The following MCPH1 variants were observed in gnomAD, a reference collection of about 807,000 sequenced individuals.
MCPH1 encodes microcephalin 1.
MCPH1 carries 104 observed loss-of-function variants against 84.5 expected under a neutral mutation model. The observed-to-expected ratio is 1.23, with a 90% CI of 1.05 to 1.45. The LOEUF (loss-of-function observed/expected upper bound fraction) is 1.45, where lower values mean the gene tolerates loss of function less well. Among genes scored for constraint, MCPH1 ranks in the 40% most tolerant of loss-of-function variants. MCPH1 has a pLI of 0.00. For missense variants in MCPH1, 1,498 were observed against 1,005.7 expected (o/e 1.49, Z -6.62); for synonymous variants, 514 against 366.8 (o/e 1.40, Z -4.58).
At position 6,509,794 on chromosome 8, in the gene MCPH1, T is replaced by C. The variant is rs1022728898; in HGVS notation, c.2214+9865T>C. On this transcript the variant is annotated intron_variant, in intron 12 of 13. Coordinates refer to ENST00000344683, the MANE Select transcript of MCPH1 (RefSeq NM_024596.5). ...TAGCTTAGCTCTAGCCTTCCTTAAA[T>C]GTGCTCGGAACACTCACATTAGCCC... Among the ~76,000 whole-genome samples, 70 of 152,314 alleles carry C rather than the reference T, an allele frequency of 4.6e-4. No individual in the cohort carries two copies. In the Middle Eastern group the frequency reaches 0.01, roughly 22 times the overall value.
chr8:6,490,801 A>G (rs1810476236), intron 11 of MCPH1, among the ~76,000 whole-genome samples: 1 of 152,138 alleles, frequency 6.6e-6, no homozygotes, highest in Non-Finnish European at 1.5e-5. Context: ...TGTCAGCTAG[A>G]GTAACAGCTT....
rs541000377 is a variant in MCPH1, at chr8:6,621,379, A to G, written c.2215-75A>G. 60 of 1,565,970 alleles carry G rather than the reference A, an allele frequency of 3.8e-5. No homozygotes were observed. In the African/African-American group the frequency reaches 7.8e-4, roughly 20 times the overall value. On this transcript the variant is annotated intron_variant, in intron 12 of 13. Coordinates refer to ENST00000344683, the MANE Select transcript of MCPH1 (RefSeq NM_024596.5). ...ATTCTTTTCATAAAAAAGGAAGTAAACTGCAACAGTTCGCCTACGCTATGG... is the reference window on the plus strand; with the variant it reads ...ATTCTTTTCATAAAAAAGGAAGTAAGCTGCAACAGTTCGCCTACGCTATGG...
chr8:6,635,510 G>C (rs1797482046), intron 13 of MCPH1: 1 of 152,180 alleles, frequency 6.6e-6, no homozygotes, highest in African/African-American at 2.4e-5. Context: ...TAAGAGTCTT[G>C]CCTGAGCCCA....
At chr8:6,498,081 G>A (rs762550152) in intron 11 of MCPH1, among the ~76,000 whole-genome samples, 7 of 152,194 alleles carry the variant, frequency 4.6e-5, no homozygotes, top group Non-Finnish European at 7.3e-5. Flanking sequence ...CACAGATGCA[G>A]TTCCTATTTA....
At chr8:6,474,786 G>A (rs1200781789) in intron 9 of MCPH1, among the ~76,000 whole-genome samples, 1 of 152,016 alleles carries the variant, frequency 6.6e-6, no homozygotes, top group African/African-American at 2.4e-5. Flanking sequence ...GATTGCCGAG[G>A]GCAGGTATTT....
intron 9 of MCPH1, among the ~76,000 whole-genome samples, chr8:6,475,526 G>C (rs1029081917): frequency 4.6e-5 from 7 of 152,238 alleles, no homozygotes; most frequent in Admixed American, 2.0e-4. Context: ...TGGTTCTTCA[G>C]ATGGAATGTG....
chr8:6,536,303 C>T (rs886967236), intron 12 of MCPH1, among the ~76,000 whole-genome samples: 8 of 152,104 alleles, frequency 5.3e-5, no homozygotes, highest in South Asian at 2.1e-4. Context: ...GGATCCCAGG[C>T]GCCTCACATC....
At chr8:6,575,021 C>T (rs919339672) in intron 12 of MCPH1, among the ~76,000 whole-genome samples, 1 of 152,178 alleles carries the variant, frequency 6.6e-6, no homozygotes, top group African/African-American at 2.4e-5. Context: ...GGCCTGGCAG[C>T]TGCACAGATA....
intron 12 of MCPH1, among the ~76,000 whole-genome samples, chr8:6,540,641 C>T (rs527313446): frequency 2.0e-5 from 3 of 152,374 alleles, no homozygotes; most frequent in East Asian, 3.9e-4. Context: ...ATAGTTACAG[C>T]AGCTTACAAT....
intron 13 of MCPH1, chr8:6,625,610 C>T (rs954709889): frequency 3.0e-6 from 3 of 985,088 alleles, no homozygotes; most frequent in Non-Finnish European, 3.6e-6. Context: ...ATATCAACTG[C>T]TTTGTAAGGT....
At chr8:6,447,308 ACT>A (rs1396994407) in intron 8 of MCPH1, 1 of 985,284 alleles carries the variant, frequency 1.0e-6, no homozygotes, top group South Asian at 4.7e-5. Context: ...AGGGATGCAC[ACT>A]CTATATCTGG....
chr8:6,416,179 A>G (rs1383897184), intron 3 of MCPH1, among the ~76,000 whole-genome samples: 1 of 152,138 alleles, frequency 6.6e-6, no homozygotes, highest in Non-Finnish European at 1.5e-5. Flanking sequence ...AGTTCTAAAT[A>G]TATTTGTGGG....
intron 3 of MCPH1, among the ~76,000 whole-genome samples, chr8:6,426,136 C>T (rs1033614699): frequency 6.6e-6 from 1 of 152,206 alleles, no homozygotes; most frequent in Non-Finnish European, 1.5e-5. Context: ...TTAGATACAG[C>T]ATTCTGCTCA....
intron 12 of MCPH1, among the ~76,000 whole-genome samples, chr8:6,580,062 A>T (rs1375538126): frequency 6.6e-6 from 1 of 152,210 alleles, no homozygotes; most frequent in Non-Finnish European, 1.5e-5. Flanking sequence ...TCATTGACTC[A>T]GTCTGAACAG....
At chr8:6,411,185 T>C (rs1798485696) in intron 2 of MCPH1, among the ~76,000 whole-genome samples, 1 of 152,136 alleles carries the variant, frequency 6.6e-6, no homozygotes, top group South Asian at 2.1e-4. Context: ...CAGGCCTGGT[T>C]GAAGAGTTGG....
At chr8:6,634,127 T>G (rs550324585) in intron 13 of MCPH1, among the ~76,000 whole-genome samples, 1 of 152,140 alleles carries the variant, frequency 6.6e-6, no homozygotes, top group African/African-American at 2.4e-5. Context: ...GAATAGTGTA[T>G]TGAAAAACTA....
At chr8:6,507,520 T>A (rs1330993471) in intron 12 of MCPH1, 1 of 152,078 alleles carries the variant, frequency 6.6e-6, no homozygotes, top group Non-Finnish European at 1.5e-5. Flanking sequence ...CGTTTGTTCC[T>A]GTCAGTGAAT....
At chr8:6,505,258 T>TACATAGA (rs1563305213) in intron 12 of MCPH1, among the ~76,000 whole-genome samples, 7 of 30,690 alleles carry the variant, frequency 2.3e-4, no homozygotes, top group East Asian at 1.2e-3. Context: ...TCTTTATATA[T>TACATAGA]GTTTTATATA....
intron 12 of MCPH1, chr8:6,508,674 T>A: frequency 1.7e-6 from 1 of 593,490 alleles, no homozygotes; most frequent in African/African-American, 1.9e-5. Context: ...AAGAATCAAA[T>A]ATCCCCTCTC....
Sources: gnomAD v4.1 joint callset for allele counts (sites outside exome capture counted in the v4.1 genomes callset) on GRCh38, gnomAD v4.1.1 for gene constraint, MANE v1.5 for transcripts, NCBI Gene and HGNC (gene_info 2026-07-23, HGNC 2026-07-21) for gene names.